CA10: variants seen among roughly 807,000 people sequenced by gnomAD.
The protein encoded by CA10 is carbonic anhydrase-related protein 10.
CA10 carries 14 observed loss-of-function variants against 44.2 expected under a neutral mutation model. The observed-to-expected ratio is 0.32, with a 90% CI of 0.21 to 0.50. The LOEUF is 0.50. Among genes scored for constraint, CA10 ranks in the 20% least tolerant of loss-of-function variants. The pLI is 0.99. For missense variants in CA10, 350 were observed against 409.7 expected, an observed-to-expected ratio of 0.85 and a Z score of 1.26; for synonymous variants, 159 against 141.6, an observed-to-expected ratio of 1.12 and a Z score of -0.87.
Position 51,804,675 on chromosome 17 carries a change from A to G in CA10, c.280-56857T>C, listed in dbSNP as rs533499188. 1.5e-4 allele frequency among the ~76,000 whole-genome samples: 23 copies of G among 152,330 alleles called. No homozygotes were observed. In the South Asian group the frequency reaches 4.8e-3, roughly 32 times the overall value. Reference sequence around the variant, plus strand: ...AGAGAACAAATGAATGTGCTTTTCCAGGAGAAATAAAGTTACACACATCCC... The same window carrying G: ...AGAGAACAAATGAATGTGCTTTTCCGGGAGAAATAAAGTTACACACATCCC... On this transcript the variant is annotated intron_variant, in intron 3 of 8. Transcript: ENST00000451037.
At chr17:52,149,127 T>A (rs1280907504) in intron 1 of CA10, among the ~76,000 whole-genome samples, 1 of 152,208 alleles carries the variant, frequency 6.6e-6, no homozygotes, top group Non-Finnish European at 1.5e-5. Flanking sequence ...TTGACTCACA[T>A]CCTTCAGTAA....
intron 3 of CA10, among the ~76,000 whole-genome samples, chr17:51,791,737 T>C (rs752683869): frequency 1.3e-5 from 2 of 152,192 alleles, no homozygotes; most frequent in Non-Finnish European, 1.5e-5. Flanking sequence ...GAATCAGCTG[T>C]TTTGAGTTAA....
intron 2 of CA10, among the ~76,000 whole-genome samples, chr17:51,958,267 T>G (rs868594824): frequency 6.6e-6 from 1 of 152,114 alleles, no homozygotes; most frequent in African/African-American, 2.4e-5. Context: ...GTTTTTTTTT[T>G]TTTTTTGATA....
intron 3 of CA10, among the ~76,000 whole-genome samples, chr17:51,905,664 G>A (rs1255494076): frequency 6.7e-6 from 1 of 149,628 alleles, no homozygotes; most frequent in Non-Finnish European, 1.5e-5. Flanking sequence ...GCTATTTAAT[G>A]AATCTGGATA....
intron 2 of CA10, among the ~76,000 whole-genome samples, chr17:52,044,420 C>T (rs1368821333): frequency 1.3e-5 from 2 of 152,134 alleles, no homozygotes; most frequent in African/African-American, 4.8e-5. Flanking sequence ...CCTCCCACCT[C>T]AGCTTCTCAA....
At chr17:51,688,264 C>T (rs1317232094) in intron 4 of CA10, among the ~76,000 whole-genome samples, 1 of 152,154 alleles carries the variant, frequency 6.6e-6, no homozygotes. Flanking sequence ...TCGGAAGACC[C>T]CTAGCCAGAA....
chr17:51,723,773 T>A (rs1916430536), intron 4 of CA10, among the ~76,000 whole-genome samples: 1 of 152,196 alleles, frequency 6.6e-6, no homozygotes, highest in South Asian at 2.1e-4. Flanking sequence ...TGCAATGCTA[T>A]CTGGACTTCA....
intron 4 of CA10, among the ~76,000 whole-genome samples, chr17:51,717,649 A>ATATATACGTATATATACATG (rs1555589644): frequency 0.027 from 1,144 of 42,336 alleles, 169 homozygotes; most frequent in African/African-American, 0.068. Context: ...GTATATATAC[A>ATATATACGTATATATACATG]TATATACGTA....
chr17:52,031,100 A>G (rs1986453019), intron 2 of CA10, among the ~76,000 whole-genome samples: 1 of 152,118 alleles, frequency 6.6e-6, no homozygotes, highest in Admixed American at 6.6e-5. Context: ...ATCAAGGCAT[A>G]AGTCAAGAAA....
At chr17:51,907,827 C>A (rs1981623773) in intron 3 of CA10, among the ~76,000 whole-genome samples, 1 of 152,170 alleles carries the variant, frequency 6.6e-6, no homozygotes, top group Non-Finnish European at 1.5e-5. Flanking sequence ...CCCCGCAGGA[C>A]TTAAGCCCAA....
intron 3 of CA10, among the ~76,000 whole-genome samples, chr17:51,768,902 C>T (rs1019047489): frequency 2.0e-5 from 3 of 151,690 alleles, no homozygotes; most frequent in Admixed American, 6.6e-5. Context: ...AGGAAAGGGC[C>T]AATGATGAAA....
At chr17:51,682,853 C>T (rs371027956) in intron 4 of CA10, among the ~76,000 whole-genome samples, 20 of 152,112 alleles carry the variant, frequency 1.3e-4, no homozygotes, top group African/African-American at 3.9e-4. Flanking sequence ...GGCACAGTGG[C>T]GGGTGCTTGA....
chr17:52,131,090 A>G (rs943823999), intron 1 of CA10, among the ~76,000 whole-genome samples: 2 of 151,554 alleles, frequency 1.3e-5, no homozygotes, highest in African/African-American at 4.8e-5. Flanking sequence ...AATATATACT[A>G]TATTTATTTT....
chr17:51,869,449 C>T lies in CA10; in HGVS notation c.279+61541G>A, dbSNP rs147677587. On this transcript the variant is annotated intron_variant, in intron 3 of 8. Coordinates refer to ENST00000451037, the MANE Select transcript of CA10 (RefSeq NM_020178.5). ...GTGAAAGTTTACTCCTGAGGCCTCCCAGGTCTGTTTAATATGGGATCACCA... is the reference window on the plus strand; with the variant it reads ...GTGAAAGTTTACTCCTGAGGCCTCCTAGGTCTGTTTAATATGGGATCACCA... 2.1e-4 allele frequency among the ~76,000 whole-genome samples: 32 copies of T among 152,268 alleles called. No individual in the cohort carries two copies. In the East Asian group the frequency reaches 6.2e-3, roughly 29 times the overall value.
chr17:51,676,079 T>G (rs1914619460), intron 4 of CA10, among the ~76,000 whole-genome samples: 1 of 152,144 alleles, frequency 6.6e-6, no homozygotes, highest in Non-Finnish European at 1.5e-5. Flanking sequence ...TTAAGTGGAG[T>G]CTGTGAACAT....
intron 3 of CA10, among the ~76,000 whole-genome samples, chr17:51,753,004 T>C (rs1904946058): frequency 6.6e-6 from 1 of 152,190 alleles, no homozygotes. Flanking sequence ...AGTCTCTATT[T>C]GCAGATCTTA....
intron 2 of CA10, among the ~76,000 whole-genome samples, chr17:51,947,565 A>C (rs1371349044): frequency 6.6e-6 from 1 of 152,204 alleles, no homozygotes; most frequent in Admixed American, 6.5e-5. Flanking sequence ...CTGAATTCTT[A>C]ATGTGAGACA....
chr17:51,649,310 C>T, intron 5 of CA10, 56 bp from the exon 6 acceptor site: 1 of 1,211,346 alleles, frequency 8.3e-7, no homozygotes, highest in Non-Finnish European at 1.2e-6. Context: ...GGACAAACAT[C>T]TCCCCGTGAC....
chr17:51,632,871 TTAAATGTCCCCTTTAGTGGGAATAA>T (rs1256078866), intron 8 of CA10, among the ~76,000 whole-genome samples: 1 of 152,188 alleles, frequency 6.6e-6, no homozygotes, highest in Non-Finnish European at 1.5e-5. Flanking sequence ...AGATGTCAAC[TTAAATGTCCCCTTTAGTGGGAATAA>T]TAACCATTTC....
Sources: gnomAD v4.1 joint callset for allele counts (sites outside exome capture counted in the v4.1 genomes callset) on GRCh38, gnomAD v4.1.1 for gene constraint, MANE v1.5 for transcripts, NCBI Gene and HGNC (gene_info 2026-07-23, HGNC 2026-07-21) for gene names.